Variants in MAGI1 observed in about 807,000 individuals in gnomAD.
MAGI1 encodes the protein membrane-associated guanylate kinase, WW and PDZ domain-containing protein 1.
MAGI1 carries 58 observed loss-of-function variants against 139.9 expected under a neutral mutation model. The observed-to-expected ratio is 0.41, with a 90% CI of 0.34 to 0.52. The LOEUF (loss-of-function observed/expected upper bound fraction) is 0.52, where lower values mean the gene tolerates loss of function less well. MAGI1 is among the 20% of genes least tolerant of loss of function. The pLI, the probability that MAGI1 is intolerant of heterozygous loss-of-function variation, is 0.12. For synonymous variants in MAGI1, 812 were observed against 737.9 expected, an observed-to-expected ratio of 1.10 and a Z score of -1.63; for missense variants, 1,874 against 1,901.6, an observed-to-expected ratio of 0.99 and a Z score of 0.27.
chr3:65,751,404 A>G (rs2036141476), intron 1 of MAGI1, among the ~76,000 whole-genome samples: 1 of 152,218 alleles, frequency 6.6e-6, no homozygotes, highest in African/African-American at 2.4e-5. Context: ...AAGAGCACAC[A>G]GTGTCTCTCC....
intron 1 of MAGI1, among the ~76,000 whole-genome samples, chr3:65,753,970 G>C (rs1378446157): frequency 1.3e-5 from 2 of 152,148 alleles, no homozygotes; most frequent in Non-Finnish European, 2.9e-5. Context: ...GAGAATGTCT[G>C]ACTGAACACA....
Position 65,830,159 on chromosome 3 carries a change from C to G in MAGI1, c.313+207837G>C, listed in dbSNP as rs561088251. 2.6e-5 allele frequency among the ~76,000 whole-genome samples: 4 copies of G among 152,206 alleles called. No homozygotes were observed. In the South Asian group the frequency reaches 6.2e-4, roughly 24 times the overall value. ...GCCAGTGTCGTGGATTGAAAACTAC[C>G]ATTAAGGTCTTGGCACATACTGTGT... is the stretch of plus-strand genomic sequence containing the variant. On this transcript the variant is annotated intron_variant, in intron 1 of 22. Coordinates refer to ENST00000402939, the MANE Select transcript of MAGI1 (RefSeq NM_001033057.2).
chr3:65,726,856 T>G lies in MAGI1; in HGVS notation c.314-104768A>C, dbSNP rs568215078. Among the ~76,000 whole-genome samples, 43 of 148,928 alleles carry G rather than the reference T, an allele frequency of 2.9e-4. 2 individuals carry two copies. The South Asian group carries it at 8.8e-3, about 31-fold the overall frequency. On this transcript the variant is annotated intron_variant, in intron 1 of 22. Coordinates refer to ENST00000402939, the MANE Select transcript of MAGI1 (RefSeq NM_001033057.2). ...ACCATTATCCGTTATAGCCATGGCA[T>G]GCAAAAGACGAGAGGCAGAATGGAA...
rs1336966123 is a variant in MAGI1 at position 65,798,028 on chromosome 3, T to G, written c.314-175940A>C. Among the ~76,000 whole-genome samples the G allele has an allele frequency of 2.0e-5, 3 of 152,140 alleles. No individual in the cohort carries two copies. The East Asian group carries it at 5.8e-4, about 29-fold the overall frequency. ...TCACCTTAAAAACATAGCCTTGGCC[T>G]GGTGCAGTGGCTCACACCTGTCATC... On this transcript the variant is annotated intron_variant, in intron 1 of 22. Transcript: ENST00000402939.
chr3:65,451,723 C>T (rs887316273), intron 6 of MAGI1, among the ~76,000 whole-genome samples: 3 of 152,196 alleles, frequency 2.0e-5, no homozygotes, highest in Non-Finnish European at 4.4e-5. Context: ...CAGCTCTCTG[C>T]AGCCTCCTAC....
At chr3:65,870,648 G>A (rs893385818) in intron 1 of MAGI1, among the ~76,000 whole-genome samples, 5 of 150,690 alleles carry the variant, frequency 3.3e-5, no homozygotes, top group Admixed American at 6.6e-5. Flanking sequence ...CAGGGTGGGG[G>A]GGGTAGGAAA....
intron 2 of MAGI1, among the ~76,000 whole-genome samples, chr3:65,557,188 T>C (rs1367966055): frequency 6.6e-6 from 1 of 152,244 alleles, no homozygotes; most frequent in Non-Finnish European, 1.5e-5. Context: ...TAATAGAATA[T>C]AGGAGAAGTG....
At chr3:65,874,518 A>G (rs2060045863) in intron 1 of MAGI1, 1 of 152,236 alleles carries the variant, frequency 6.6e-6, no homozygotes, top group African/African-American at 2.4e-5. Flanking sequence ...ACACATTAAG[A>G]GATGGGCAAC....
chr3:66,026,817 T>C (rs183180260), intron 1 of MAGI1, among the ~76,000 whole-genome samples: 2 of 146,500 alleles, frequency 1.4e-5, no homozygotes, highest in Admixed American at 1.4e-4. Flanking sequence ...AACCATTTTT[T>C]ATTTATCGGA....
At chr3:65,921,814 A>T (rs9833872) in intron 1 of MAGI1, among the ~76,000 whole-genome samples, 66,627 of 150,962 alleles carry the variant, frequency 0.44, 15,489 homozygotes, top group East Asian at 0.74. Flanking sequence ...ATCAGGAAAG[A>T]AAGTTAGCCT....
intron 1 of MAGI1, among the ~76,000 whole-genome samples, chr3:65,695,020 T>C (rs1214561036): frequency 6.6e-6 from 1 of 152,144 alleles, no homozygotes; most frequent in Non-Finnish European, 1.5e-5. Context: ...ATTTAGTAAA[T>C]TAGATGGGCA....
chr3:65,366,250 T>G (rs929801966), intron 18 of MAGI1, among the ~76,000 whole-genome samples: 1 of 152,352 alleles, frequency 6.6e-6, no homozygotes, highest in Admixed American at 6.5e-5. Flanking sequence ...CTATGAGACC[T>G]TGTATAAGTT....
chr3:65,389,278 A>G lies in MAGI1; in HGVS notation c.2416+1864T>C, dbSNP rs1943703980. 2.0e-5 allele frequency among the ~76,000 whole-genome samples: 3 copies of G among 152,224 alleles called. No individual in the cohort carries two copies. In the South Asian group the frequency reaches 6.2e-4, roughly 32 times the overall value. ...ACACATTTGATTAAGTCAAATTCTT[A>G]AGAAAATTTGCCGCCACCAGGGTAA... On this transcript the variant is annotated intron_variant, in intron 14 of 22. Transcript: ENST00000402939.
At chr3:65,764,095 A>AC (rs1353303906) in intron 1 of MAGI1, among the ~76,000 whole-genome samples, 1 of 151,498 alleles carries the variant, frequency 6.6e-6, no homozygotes, top group African/African-American at 2.4e-5. Context: ...AAAAAAAAAA[A>AC]AAAAACCTTG....
chr3:65,534,182 T>C (rs997219963), intron 2 of MAGI1, among the ~76,000 whole-genome samples: 1 of 152,172 alleles, frequency 6.6e-6, no homozygotes, highest in African/African-American at 2.4e-5. Flanking sequence ...GGCAGTCCTA[T>C]TTCCAAATTA....
rs181911309 is a variant in MAGI1 at position 65,378,316 on chromosome 3, C to T, written c.2995+945G>A. ...TTTGCTGAAACCCTCAATGTCTGGA[C>T]GAGACAGGAAAATCGAATGACTCTT... On this transcript the variant is annotated intron_variant, in intron 17 of 22. Transcript: ENST00000402939. 1.1e-3 allele frequency among the ~76,000 whole-genome samples: 165 copies of T among 151,998 alleles called. 1 individual carries two copies. The highest frequency in any genetic ancestry group is 4.3e-3 in the East Asian group (22 of 5,144).
chr3:65,650,230 G>A (rs1559754251), intron 1 of MAGI1, among the ~76,000 whole-genome samples: 1 of 152,268 alleles, frequency 6.6e-6, no homozygotes, highest in East Asian at 1.9e-4. Flanking sequence ...CTCAGCCTCT[G>A]GAACTATGAT....
intron 1 of MAGI1, chr3:66,009,278 G>C (rs1411190245): frequency 6.6e-6 from 1 of 152,270 alleles, no homozygotes; most frequent in Admixed American, 6.5e-5. Flanking sequence ...CACTTTGGGA[G>C]GCAGGCGGAT....
chr3:65,502,957 C>T (rs2077141445), intron 2 of MAGI1, among the ~76,000 whole-genome samples: 1 of 152,048 alleles, frequency 6.6e-6, no homozygotes, highest in South Asian at 2.1e-4. Flanking sequence ...GGGTAAAAAT[C>T]CATGATACAG....
Sources: allele counts gnomAD v4.1 joint callset (sites outside exome capture counted in the v4.1 genomes callset), GRCh38; gene constraint gnomAD v4.1.1; transcripts MANE v1.5; gene names NCBI Gene and HGNC (gene_info 2026-07-23, HGNC 2026-07-21).